The following FBXO38 variants were observed in gnomAD, a reference collection of about 807,000 sequenced individuals.
FBXO38 encodes F-box only protein 38.
A neutral mutation model predicts 131.9 loss-of-function variants in FBXO38; 53 were observed. That is an observed-to-expected ratio of 0.40 (90% CI 0.32 to 0.51). The LOEUF is 0.51. Among genes scored for constraint, FBXO38 ranks in the 20% least tolerant of loss-of-function variants. The pLI is 0.53. For missense variants in FBXO38, 1,076 were observed against 1,475.6 expected (o/e 0.73, Z 4.44); for synonymous variants, 452 against 505.6 (o/e 0.89, Z 1.42).
rs1279690073 is a variant in FBXO38 at position 148,442,706 on chromosome 5, A to C, written c.*559A>C. The C allele has an allele frequency of 6.6e-6, 1 of 152,200 alleles. No individual in the cohort carries two copies. Among genetic ancestry groups the C allele is most frequent in the Non-Finnish European group, 1.5e-5 (1 of 68,052 alleles). The allele number at this position is 152,200 out of a possible 1,614,324, so 9.4% of individuals were successfully genotyped here. On this transcript the variant is annotated 3_prime_UTR_variant, in exon 22 of 22. Coordinates refer to ENST00000340253, the MANE Select transcript of FBXO38 (RefSeq NM_205836.3). The stretch of plus-strand genomic sequence containing the variant: ...TTCTTAAAATCAAGTAAAAAGACTT[A>C]TGAGCTTAAAAAAAAGTGAGTTTGA...
At chr5:148,420,127 GTT>G (rs71001489) in intron 12 of FBXO38, among the ~76,000 whole-genome samples, 6 of 141,434 alleles carry the variant, frequency 4.2e-5, no homozygotes, top group Non-Finnish European at 6.2e-5. Context: ...TTTTTGTGGG[GTT>G]TTTTTTTTTT....
chr5:148,397,927 A>G (rs1387754507), intron 2 of FBXO38, among the ~76,000 whole-genome samples: 1 of 152,202 alleles, frequency 6.6e-6, no homozygotes, highest in East Asian at 1.9e-4. Context: ...TGAAGGGACT[A>G]TTTACAGAGA....
At chr5:148,384,631 TAGCTGTGGAA>T (rs1471810768) in intron 1 of FBXO38, 1 of 150,620 alleles carries the variant, frequency 6.6e-6, no homozygotes, top group Non-Finnish European at 1.5e-5. Flanking sequence ...GTCCGTGCCC[TAGCTGTGGAA>T]ATCAGATTCT....
chr5:148,440,703 CAATT>C (rs894705431), intron 20 of FBXO38, among the ~76,000 whole-genome samples, 176 bp downstream of exon 20: 180 of 152,248 alleles, frequency 1.2e-3, no homozygotes, highest in African/African-American at 4.1e-3. Flanking sequence ...ATCCATCAAT[CAATT>C]AGTCAAACTG....
chr5:148,412,425 C>T (rs537679968), intron 9 of FBXO38, among the ~76,000 whole-genome samples: 180 of 152,238 alleles, frequency 1.2e-3, no homozygotes, highest in Admixed American at 2.0e-3. Context: ...TCTGGTAAAA[C>T]TTGAGTCACT....
intron 3 of FBXO38, 97 bp downstream of exon 3, chr5:148,399,229 C>T: frequency 7.2e-7 from 1 of 1,392,140 alleles, no homozygotes; most frequent in South Asian, 1.3e-5. Flanking sequence ...GAAAGGCAAT[C>T]TAAGTCACCT....
At chr5:148,401,898 A>T in intron 3 of FBXO38, 84 bp from the exon 4 acceptor site, 1 of 1,346,402 alleles carries the variant, frequency 7.4e-7, no homozygotes, top group African/African-American at 1.5e-5. Context: ...GTCTTTTTTA[A>T]CTTTTGGTAA....
chr5:148,441,141 C>G lies in FBXO38; in HGVS notation c.3292C>G (p.Pro1098Ala), dbSNP rs1754661566. The change falls in exon 21 of 22, where the codon CCA becomes GCA. Residue 1098 changes from proline to alanine, a missense_variant. This residue lies in a region of FBXO38 where 282 missense variants were observed against 418.8 expected (regional missense o/e 0.67). Coordinates refer to ENST00000340253, the MANE Select transcript of FBXO38 (RefSeq NM_205836.3). ...TCTTTTAGGTGTTGTGGATGGAGCT[C>G]CATATTCCATGATTTCTGACTTCCC... ...YTLEGVVDGA[P>A]YSMISDFPWL... 6.2e-7 allele frequency: 1 copy of G among 1,613,888 alleles called. No individual in the cohort carries two copies. The highest frequency in any genetic ancestry group is 8.5e-7 in the Non-Finnish European group (1 of 1,179,792).
intron 13 of FBXO38, 120 bp downstream of exon 13, chr5:148,424,237 T>C: frequency 2.1e-6 from 2 of 951,784 alleles, no homozygotes; most frequent in Middle Eastern, 2.3e-4. Flanking sequence ...CGTTTTATGC[T>C]ATTGATTACT....
intron 17 of FBXO38, chr5:148,433,976 C>A (rs930319769): frequency 3.5e-6 from 1 of 287,266 alleles, no homozygotes; most frequent in African/African-American, 2.2e-5. Flanking sequence ...ATAATTACTG[C>A]CTGATCTGGC....
chr5:148,415,567 G>A (rs1753004266), intron 10 of FBXO38, among the ~76,000 whole-genome samples: 1 of 152,086 alleles, frequency 6.6e-6, no homozygotes, highest in African/African-American at 2.4e-5. Context: ...ATGTCAGCAA[G>A]CATATTAAGC....
intron 8 of FBXO38, 111 bp from the exon 9 acceptor site, chr5:148,410,524 G>A: frequency 2.4e-6 from 3 of 1,269,588 alleles, no homozygotes; most frequent in South Asian, 2.7e-5. Flanking sequence ...CCAGTCTCAG[G>A]TACGTCTTTG....
intron 20 of FBXO38, 21 bp downstream of exon 20, chr5:148,440,548 A>C (rs1285506553): frequency 2.7e-6 from 4 of 1,462,496 alleles, no homozygotes; most frequent in Non-Finnish European, 3.8e-6. Context: ...ACAAATGTTT[A>C]GAAAGTTAAA....
chr5:148,407,945 G>C (rs1046234337), intron 7 of FBXO38, among the ~76,000 whole-genome samples: 1 of 151,812 alleles, frequency 6.6e-6, no homozygotes, highest in African/African-American at 2.4e-5. Flanking sequence ...GAGAGAGAGA[G>C]AGTGAAAAAC....
At chr5:148,415,135 C>T (rs1443510663) in intron 10 of FBXO38, among the ~76,000 whole-genome samples, 1 of 152,064 alleles carries the variant, frequency 6.6e-6, no homozygotes, top group African/African-American at 2.4e-5. Flanking sequence ...CCCTGCTGAA[C>T]CAAGAAGTTA....
At chr5:148,427,130 C>G in intron 14 of FBXO38, 83 bp from the exon 15 acceptor site, 1 of 1,471,528 alleles carries the variant, frequency 6.8e-7, no homozygotes, top group Non-Finnish European at 9.1e-7. Context: ...ATTTCCTGTT[C>G]CAAATTTACT....
At chr5:148,411,723 A>G (rs973593199) in intron 9 of FBXO38, among the ~76,000 whole-genome samples, 3 of 152,206 alleles carry the variant, frequency 2.0e-5, no homozygotes, top group Admixed American at 6.5e-5. Context: ...GTTTACTATT[A>G]GAATCATGTT....
chr5:148,387,434 T>G (rs1212245448), intron 1 of FBXO38, among the ~76,000 whole-genome samples: 1 of 152,196 alleles, frequency 6.6e-6, no homozygotes, highest in African/African-American at 2.4e-5. Flanking sequence ...CTTCCTCCAC[T>G]GATGTCTTTT....
At chr5:148,439,278 C>G (rs1680029640) in intron 18 of FBXO38, among the ~76,000 whole-genome samples, 1 of 152,176 alleles carries the variant, frequency 6.6e-6, no homozygotes, top group Non-Finnish European at 1.5e-5. Flanking sequence ...GGGCAGCAGT[C>G]TCATTTGAAT....
Sources: gnomAD v4.1 joint callset for allele counts (sites outside exome capture counted in the v4.1 genomes callset) on GRCh38, gnomAD v4.1.1 for gene constraint, gnomAD v4.1.1 regional missense constraint, MANE v1.5 for transcripts, NCBI Gene and HGNC (gene_info 2026-07-23, HGNC 2026-07-21) for gene names.